The following ATOSA variants were observed in gnomAD, a reference collection of about 807,000 sequenced individuals.
ATOSA encodes atos homolog A.
the ATOSA span, among the ~76,000 whole-genome samples, chr15:52,652,974 T>C: frequency 1.3e-5 from 2 of 152,214 alleles, no homozygotes; most frequent in Non-Finnish European, 2.9e-5. Context: ...TGATGAATTA[T>C]AAAAATTTCT....
At chr15:52,650,720 A>C in the ATOSA span, among the ~76,000 whole-genome samples, 3 of 152,216 alleles carry the variant, frequency 2.0e-5, no homozygotes, top group Non-Finnish European at 4.4e-5. Flanking sequence ...CCCTAATATT[A>C]ACTCTGAGCT....
chr15:52,585,458 T>A, the ATOSA span: 1 of 152,264 alleles, frequency 6.6e-6, no homozygotes, highest in Non-Finnish European at 1.5e-5. Flanking sequence ...CATATGATTA[T>A]TATAAAATTT....
the ATOSA span, chr15:52,658,617 A>G: frequency 2.5e-6 from 1 of 396,870 alleles, no homozygotes; most frequent in Non-Finnish European, 4.4e-6. Context: ...ACCATCAAAC[A>G]TGCATGCTCC....
At chr15:52,616,907 C>T in the ATOSA span, among the ~76,000 whole-genome samples, 8 of 152,292 alleles carry the variant, frequency 5.3e-5, no homozygotes, top group Non-Finnish European at 1.0e-4. Context: ...CATAAACCTA[C>T]TGAGACAGAA....
chr15:52,692,935 G>A, the ATOSA span, among the ~76,000 whole-genome samples: 1 of 151,856 alleles, frequency 6.6e-6, no homozygotes, highest in South Asian at 2.1e-4. Context: ...ACAAACATGA[G>A]CCACCACGCC....
the ATOSA span, chr15:52,651,988 A>G: frequency 1.3e-6 from 2 of 1,530,432 alleles, no homozygotes; most frequent in East Asian, 2.4e-5. Flanking sequence ...AGATGTCTGC[A>G]GCGGTTAAAA....
At chr15:52,702,691 C>G in the ATOSA span, among the ~76,000 whole-genome samples, 1 of 150,682 alleles carries the variant, frequency 6.6e-6, no homozygotes. Context: ...ATCAACTGTA[C>G]CCCACACCTC....
At chr15:52,703,681 G>A in the ATOSA span, among the ~76,000 whole-genome samples, 8 of 152,004 alleles carry the variant, frequency 5.3e-5, no homozygotes, top group Non-Finnish European at 1.0e-4. Flanking sequence ...TACACACACC[G>A]GGGCCTGTTA....
At chr15:52,620,365 C>A in the ATOSA span, among the ~76,000 whole-genome samples, 1 of 152,100 alleles carries the variant, frequency 6.6e-6, no homozygotes, top group African/African-American at 2.4e-5. Flanking sequence ...GGAGAGAGAC[C>A]AGAACCACTA....
the ATOSA span, chr15:52,608,495 G>A: frequency 6.9e-7 from 1 of 1,453,754 alleles, no homozygotes; most frequent in Non-Finnish European, 9.2e-7. Context: ...TTTATAACCA[G>A]ATCTCCTGTG....
chr15:52,609,370 G>A, the ATOSA span: 8 of 1,613,840 alleles, frequency 5.0e-6, no homozygotes, highest in East Asian at 2.2e-5. Context: ...AGATGCAACC[G>A]AACTGGAGTC....
the ATOSA span, among the ~76,000 whole-genome samples, chr15:52,630,799 T>C: frequency 2.0e-5 from 3 of 152,326 alleles, no homozygotes; most frequent in South Asian, 6.2e-4. Context: ...GTCCATAGAA[T>C]GAATGCTGTG....
chr15:52,650,862 A>C, the ATOSA span, among the ~76,000 whole-genome samples: 1 of 152,240 alleles, frequency 6.6e-6, no homozygotes, highest in Admixed American at 6.5e-5. Context: ...GCAATATGCT[A>C]ATTAGTCTGC....
the ATOSA span, among the ~76,000 whole-genome samples, chr15:52,697,957 A>ATTTTTTTTTTTTTTTTT: frequency 7.6e-4 from 34 of 44,774 alleles, 3 homozygotes; most frequent in African/African-American, 1.1e-3. Flanking sequence ...GGGATGTAGA[A>ATTTTTTTTTTTTTTTTT]TTTTTTTTTT....
At chr15:52,698,645 T>C in the ATOSA span, among the ~76,000 whole-genome samples, 4 of 152,236 alleles carry the variant, frequency 2.6e-5, no homozygotes, top group Non-Finnish European at 4.4e-5. Context: ...GACTCATTTA[T>C]ACAAAGTTTA....
At chr15:52,610,316 C>T in the ATOSA span, 4 of 1,613,960 alleles carry the variant, frequency 2.5e-6, 1 homozygote, top group Admixed American at 3.3e-5. Flanking sequence ...ACATTGGGAA[C>T]AGGAAACACA....
chr15:52,587,019 GA>G, the ATOSA span: 13 of 1,540,812 alleles, frequency 8.4e-6, no homozygotes, highest in Non-Finnish European at 1.1e-5. Flanking sequence ...CAGAGCAGGG[GA>G]ACTCCAAACA....
chr15:52,611,315 A>C, the ATOSA span: 2 of 1,583,526 alleles, frequency 1.3e-6, no homozygotes, highest in African/African-American at 2.7e-5. Flanking sequence ...TGAATTTTAG[A>C]ATGGCAGAAG....
At chr15:52,652,499 G>T in the ATOSA span, among the ~76,000 whole-genome samples, 4 of 152,100 alleles carry the variant, frequency 2.6e-5, no homozygotes, top group South Asian at 8.3e-4. Flanking sequence ...CATATACCTG[G>T]AACTTTATAT....
Sources: allele counts gnomAD v4.1 joint callset (sites outside exome capture counted in the v4.1 genomes callset), GRCh38; gene constraint gnomAD v4.1.1; transcripts MANE v1.5; gene names NCBI Gene and HGNC (gene_info 2026-07-23, HGNC 2026-07-21).